Variants in ST6GALNAC3 observed in about 807,000 individuals in gnomAD.
The protein encoded by ST6GALNAC3 is alpha-N-acetylgalactosaminide alpha-2,6-sialyltransferase 3.
ST6GALNAC3 carries 25 observed loss-of-function variants against 32.7 expected under a neutral mutation model. That is an observed-to-expected ratio of 0.76 (90% confidence interval 0.56 to 1.07). The LOEUF (loss-of-function observed/expected upper bound fraction) is 1.07, where lower values mean the gene tolerates loss of function less well. Ranked by LOEUF, ST6GALNAC3 falls within the 50% of genes least tolerant of loss-of-function variation. The probability of loss-of-function intolerance (pLI) is 0.00; values close to 1 mark genes in which losing one functional copy is unlikely to be tolerated. For synonymous variants in ST6GALNAC3, 129 were observed against 133.1 expected, an observed-to-expected ratio of 0.97 and a Z score of 0.21; for missense variants, 355 against 382.4, an observed-to-expected ratio of 0.93 and a Z score of 0.60.
At chr1:76,284,750 A>G (rs889232917) in intron 1 of ST6GALNAC3, among the ~76,000 whole-genome samples, 1 of 152,090 alleles carries the variant, frequency 6.6e-6, no homozygotes, top group African/African-American at 2.4e-5. Flanking sequence ...GAGGCAAACT[A>G]TTGTTAAGGA....
At chr1:76,289,561 T>A (rs1659959760) in intron 1 of ST6GALNAC3, among the ~76,000 whole-genome samples, 1 of 152,194 alleles carries the variant, frequency 6.6e-6, no homozygotes, top group South Asian at 2.1e-4. Context: ...AGGAAAACAT[T>A]TGCTTAGTGA....
intron 3 of ST6GALNAC3, among the ~76,000 whole-genome samples, chr1:76,527,716 G>C (rs1663000349): frequency 6.6e-6 from 1 of 151,994 alleles, no homozygotes; most frequent in Non-Finnish European, 1.5e-5. Flanking sequence ...GTGGTTCTAG[G>C]AAATGGACAA....
At position 76,244,085 on chromosome 1, in the gene ST6GALNAC3, A is replaced by AT. The variant is rs938970721; in HGVS notation, c.19-69711dup. On this transcript the variant is annotated intron_variant, in intron 1 of 4. Coordinates refer to ENST00000328299, the MANE Select transcript of ST6GALNAC3 (RefSeq NM_152996.4). ...TGATTCTTCCTATCCATGAACATGG[A>AT]TTTTTTTTTCATTTGTTTGTGTCCT... 1.3e-4 allele frequency among the ~76,000 whole-genome samples: 19 copies of AT among 151,272 alleles called. No homozygotes were observed. The East Asian group carries it at 1.9e-3, about 16-fold the overall frequency.
chr1:76,584,644 T>C (rs1646935302), intron 3 of ST6GALNAC3, among the ~76,000 whole-genome samples: 1 of 152,178 alleles, frequency 6.6e-6, no homozygotes, highest in Non-Finnish European at 1.5e-5. Flanking sequence ...GCAATTCTAA[T>C]AGGAGAAACA....
At chr1:76,540,391 G>A (rs1663918027) in intron 3 of ST6GALNAC3, among the ~76,000 whole-genome samples, 1 of 151,964 alleles carries the variant, frequency 6.6e-6, no homozygotes, top group African/African-American at 2.4e-5. Flanking sequence ...CTTAGAGGAC[G>A]GATCAATAGG....
intron 2 of ST6GALNAC3, among the ~76,000 whole-genome samples, chr1:76,387,672 T>A (rs1260101993): frequency 1.3e-5 from 2 of 152,146 alleles, no homozygotes; most frequent in African/African-American, 4.8e-5. Context: ...TTTGTCTTAA[T>A]AATAATAATT....
chr1:76,446,889 C>T (rs918200181), intron 3 of ST6GALNAC3, among the ~76,000 whole-genome samples: 1 of 152,058 alleles, frequency 6.6e-6, no homozygotes, highest in East Asian at 1.9e-4. Flanking sequence ...TATAAATTAC[C>T]CAGTCTTGGG....
intron 3 of ST6GALNAC3, among the ~76,000 whole-genome samples, chr1:76,445,211 T>C (rs1046215102): frequency 6.6e-6 from 1 of 152,174 alleles, no homozygotes; most frequent in African/African-American, 2.4e-5. Context: ...CTGGGCCAAG[T>C]GTATCCAAAC....
intron 1 of ST6GALNAC3, among the ~76,000 whole-genome samples, chr1:76,179,407 G>A (rs1653040487): frequency 6.6e-6 from 1 of 152,110 alleles, no homozygotes; most frequent in Non-Finnish European, 1.5e-5. Flanking sequence ...ATGTAAAGAA[G>A]CCATCTCTTT....
intron 1 of ST6GALNAC3, among the ~76,000 whole-genome samples, chr1:76,284,036 A>G (rs942058148): frequency 8.6e-6 from 1 of 116,372 alleles, no homozygotes. Context: ...GATCAAACCA[A>G]TGGAAATGCC....
chr1:76,324,985 A>G (rs1326139762), intron 2 of ST6GALNAC3, among the ~76,000 whole-genome samples: 1 of 152,206 alleles, frequency 6.6e-6, no homozygotes, highest in Admixed American at 6.5e-5. Flanking sequence ...CACAACGTGC[A>G]GGTTTGTTAC....
chr1:76,549,160 T>C (rs1664470011), intron 3 of ST6GALNAC3, among the ~76,000 whole-genome samples: 2 of 152,192 alleles, frequency 1.3e-5, no homozygotes, highest in African/African-American at 4.8e-5. Context: ...AACACTCAAA[T>C]TCCCACCATT....
At chr1:76,456,779 T>C (rs968563272) in intron 3 of ST6GALNAC3, among the ~76,000 whole-genome samples, 7 of 152,170 alleles carry the variant, frequency 4.6e-5, no homozygotes, top group Admixed American at 2.6e-4. Context: ...AGCATTCCCT[T>C]TGAAAACTGG....
intron 3 of ST6GALNAC3, among the ~76,000 whole-genome samples, chr1:76,559,818 G>A (rs1665142595): frequency 6.6e-6 from 1 of 152,262 alleles, no homozygotes; most frequent in African/African-American, 2.4e-5. Context: ...ATGCCCCAGA[G>A]GTGACAGCAT....
intron 3 of ST6GALNAC3, among the ~76,000 whole-genome samples, chr1:76,546,841 C>A (rs1294432011): frequency 6.6e-6 from 1 of 152,212 alleles, no homozygotes; most frequent in Non-Finnish European, 1.5e-5. Flanking sequence ...CAGCACCTGG[C>A]ACCACACGTT....
At chr1:76,327,781 G>C (rs1169748704) in intron 2 of ST6GALNAC3, among the ~76,000 whole-genome samples, 1 of 152,020 alleles carries the variant, frequency 6.6e-6, no homozygotes, top group Non-Finnish European at 1.5e-5. Flanking sequence ...GTAGAAACAG[G>C]GTTTCACCAT....
At chr1:76,420,090 T>C (rs1654927583) in intron 3 of ST6GALNAC3, among the ~76,000 whole-genome samples, 1 of 151,742 alleles carries the variant, frequency 6.6e-6, no homozygotes, top group African/African-American at 2.4e-5. Context: ...TAGTGAAGAG[T>C]AGGTCCTCTA....
intron 1 of ST6GALNAC3, among the ~76,000 whole-genome samples, chr1:76,264,380 A>G (rs1658415403): frequency 6.6e-6 from 1 of 152,192 alleles, no homozygotes; most frequent in Admixed American, 6.6e-5. Flanking sequence ...TAAACCTTTA[A>G]GACCCATGAA....
At chr1:76,381,423 T>C (rs1469949698) in intron 2 of ST6GALNAC3, among the ~76,000 whole-genome samples, 4 of 152,148 alleles carry the variant, frequency 2.6e-5, no homozygotes, top group Non-Finnish European at 4.4e-5. Context: ...TAGGTAGCAA[T>C]AATAATATTA....
Sources: allele counts gnomAD v4.1 joint callset (sites outside exome capture counted in the v4.1 genomes callset), GRCh38; gene constraint gnomAD v4.1.1; transcripts MANE v1.5; gene names NCBI Gene and HGNC (gene_info 2026-07-23, HGNC 2026-07-21).